YWHAB: variants seen among roughly 807,000 people sequenced by gnomAD.
The protein encoded by YWHAB is tyrosine 3-monooxygenase/tryptophan 5-monooxygenase activation protein beta.
In YWHAB, 2 loss-of-function variants were observed where a neutral mutation model predicts 28.5. The observed-to-expected ratio is 0.07, with a 90% CI of 0.03 to 0.22. The LOEUF is 0.22. Among genes scored for constraint, YWHAB ranks in the 10% least tolerant of loss-of-function variants. YWHAB has a pLI of 1.00. For synonymous variants in YWHAB, 103 were observed against 104.7 expected, an observed-to-expected ratio of 0.98 and a Z score of 0.10; for missense variants, 148 against 297.1, an observed-to-expected ratio of 0.50 and a Z score of 3.69.
At position 44,905,049 on chromosome 20, in the gene YWHAB, G is replaced by A. The variant is rs1190977283; in HGVS notation, c.506G>A (p.Arg169His). ...GAAATGCAGCCTACACACCCAATTCGTCTTGGTCTGGCACTAAATTTCTCA... is the reference window on the plus strand; with the variant it reads ...GAAATGCAGCCTACACACCCAATTCATCTTGGTCTGGCACTAAATTTCTCA... The part of the protein sequence containing the change: ...KKEMQPTHPI[R>H]LGLALNFSVF... The change falls in exon 4 of 6, where the codon CGT becomes CAT. Residue 169 changes from arginine to histidine, a missense_variant. Transcript: ENST00000353703. 13 of 1,613,474 alleles carry A rather than the reference G, an allele frequency of 8.1e-6. No individual in the cohort carries two copies. Among genetic ancestry groups the A allele is most frequent in the Middle Eastern group, 3.3e-4 (2 of 6,060 alleles).
intron 1 of YWHAB, among the ~76,000 whole-genome samples, chr20:44,894,734 C>A (rs2066585517): frequency 6.6e-6 from 1 of 152,204 alleles, no homozygotes; most frequent in Admixed American, 6.5e-5. Flanking sequence ...TTCCCTGCGC[C>A]TCATCTTCAC....
chr20:44,895,750 A>G (rs1226646222), intron 1 of YWHAB, among the ~76,000 whole-genome samples: 1 of 152,210 alleles, frequency 6.6e-6, no homozygotes, highest in Non-Finnish European at 1.5e-5. Flanking sequence ...TTATAGATTG[A>G]TCTGCCATGC....
Position 44,906,412 on chromosome 20 carries a change from G to A in YWHAB, c.715G>A (p.Gly239Arg). ...GACATCGGAAAACCAGGGAGACGAAGGAGACGCTGGGGAGGGAGAGAACTA... is the reference window on the plus strand; with the variant it reads ...GACATCGGAAAACCAGGGAGACGAAAGAGACGCTGGGGAGGGAGAGAACTA... ...LWTSENQGDE[G>R]DAGEGEN The change falls in exon 6 of 6, where the codon GGA (glycine) becomes AGA (arginine). Residue 239 changes from glycine (G) to arginine (R), a missense_variant. Physicochemically the swap from Gly to Arg is moderately radical, Grantham distance 125 (BLOSUM62 -2). Around this residue, in one of 2 missense-constraint regions of YWHAB, gnomAD observed 38 missense variants for 119.2 expected, o/e 0.32. Coordinates refer to ENST00000353703, the MANE Select transcript of YWHAB (RefSeq NM_139323.4). 1 of 1,611,434 alleles carries A rather than the reference G, an allele frequency of 6.2e-7. No homozygotes were observed. Among genetic ancestry groups the A allele is most frequent in the Non-Finnish European group, 8.5e-7 (1 of 1,179,322 alleles).
chr20:44,892,250 T>G (rs1209781904), intron 1 of YWHAB, among the ~76,000 whole-genome samples: 2 of 152,312 alleles, frequency 1.3e-5, no homozygotes, highest in Admixed American at 1.3e-4. Flanking sequence ...TTATTCTCAT[T>G]TCTTTATCTG....
chr20:44,899,200 A>T (rs533475775), intron 1 of YWHAB, among the ~76,000 whole-genome samples: 10 of 151,922 alleles, frequency 6.6e-5, no homozygotes, highest in Non-Finnish European at 1.3e-4. Flanking sequence ...GGCATTGGCT[A>T]GGTGCAGTGG....
chr20:44,903,003 A>G, intron 2 of YWHAB: 1 of 972,232 alleles, frequency 1.0e-6, no homozygotes. Flanking sequence ...AAGAATGTGA[A>G]GAAGAGCTTG....
intron 1 of YWHAB, among the ~76,000 whole-genome samples, chr20:44,891,459 G>A (rs1190283942): frequency 6.6e-6 from 1 of 152,222 alleles, no homozygotes; most frequent in Non-Finnish European, 1.5e-5. Flanking sequence ...CACATAGCCT[G>A]TGGACTTGGT....
chr20:44,889,729 T>C (rs570184186), intron 1 of YWHAB, among the ~76,000 whole-genome samples: 105 of 152,324 alleles, frequency 6.9e-4, no homozygotes, highest in African/African-American at 1.9e-3. Flanking sequence ...TTTTAACTCC[T>C]TGATTTTGTT....
chr20:44,905,074 A>C lies in YWHAB; in HGVS notation c.531A>C (p.Ser177=). 3 of 1,613,504 alleles carry C rather than the reference A, an allele frequency of 1.9e-6. No individual in the cohort carries two copies. In the South Asian group the frequency reaches 3.3e-5, roughly 18 times the overall value. ...GTCTTGGTCTGGCACTAAATTTCTC[A>C]GTCTTTTACTATGAGATTCTAAACT... ...PIRLGLALNF[S]VFYYEILNSP... is the part of the protein sequence containing the mutation. The change falls in exon 4 of 6, where the codon TCA becomes TCC. Residue 177 remains serine (S), a synonymous_variant. Coordinates refer to ENST00000353703, the MANE Select transcript of YWHAB (RefSeq NM_139323.4).
At chr20:44,896,329 A>AG (rs1364984128) in intron 1 of YWHAB, among the ~76,000 whole-genome samples, 1 of 152,212 alleles carries the variant, frequency 6.6e-6, no homozygotes, top group Non-Finnish European at 1.5e-5. Flanking sequence ...AAACAGCTTA[A>AG]GAAAGGCTTC....
intron 2 of YWHAB, chr20:44,902,873 TG>T (rs2066635632): frequency 5.6e-6 from 1 of 178,662 alleles, no homozygotes; most frequent in Non-Finnish European, 1.1e-5. Flanking sequence ...GGTTTGTTAA[TG>T]GTGCACTAAT....
intron 1 of YWHAB, among the ~76,000 whole-genome samples, chr20:44,898,813 G>A (rs1601093974): frequency 6.8e-6 from 1 of 147,746 alleles, no homozygotes. Flanking sequence ...GCAGAAAATG[G>A]TTAATTTAAA....
In YWHAB at chr20:44,907,946, T is replaced by C. The variant is rs1186875071; in HGVS notation, c.*1508T>C. 1 of 152,574 alleles carries C rather than the reference T, an allele frequency of 6.6e-6. No homozygotes were observed. Among genetic ancestry groups the C allele is most frequent in the Non-Finnish European group, 1.5e-5 (1 of 68,056 alleles). 9.5% of individuals were successfully genotyped at this position (152,574 alleles called of 1,614,324 possible). A position where few individuals can be genotyped will look rare whatever the true frequency, so the allele number is the denominator to read the frequency against. Reference sequence around the variant, plus strand: ...TCACCAGGTCTCCCAAGTGCACTCATCCAGGTCAGTGCTCAGATGTGTTTA... The same window carrying C: ...TCACCAGGTCTCCCAAGTGCACTCACCCAGGTCAGTGCTCAGATGTGTTTA... On this transcript the variant is annotated 3_prime_UTR_variant, in exon 6 of 6. Transcript: ENST00000353703.
chr20:44,905,155 C>T, intron 4 of YWHAB, 24 bp downstream of exon 4: 1 of 1,584,392 alleles, frequency 6.3e-7, no homozygotes, highest in African/African-American at 1.4e-5. Flanking sequence ...TTTGTGATAT[C>T]TAACCATAGC....
chr20:44,888,556 A>G (rs1349461894), intron 1 of YWHAB, among the ~76,000 whole-genome samples: 6 of 152,226 alleles, frequency 3.9e-5, no homozygotes, highest in Non-Finnish European at 8.8e-5. Context: ...GAGACAGCAC[A>G]TGTATATGTT....
chr20:44,886,986 A>G (rs993359055), intron 1 of YWHAB: 13 of 152,252 alleles, frequency 8.5e-5, no homozygotes, highest in African/African-American at 2.9e-4. Context: ...AAGGTGAAGC[A>G]CTTATAAGAA....
At chr20:44,903,023 G>C (rs1314496355) in intron 2 of YWHAB, 8 of 985,422 alleles carry the variant, frequency 8.1e-6, no homozygotes, top group Non-Finnish European at 9.6e-6. Flanking sequence ...GGTACTTACT[G>C]CCTCTTAACC....
At chr20:44,900,540 C>T (rs2066620380) in intron 1 of YWHAB, among the ~76,000 whole-genome samples, 1 of 152,160 alleles carries the variant, frequency 6.6e-6, no homozygotes, top group South Asian at 2.1e-4. Flanking sequence ...TTATCTACTG[C>T]TTGATGGGTG....
In YWHAB at chr20:44,904,978, G is replaced by A. The variant is rs760401900; in HGVS notation, c.435G>A (p.Ser145=). ...ATCTTTATGTTACAGCCACTGTGTC[G>A]AACTCCCAGCAGGCTTACCAGGAAG... ...ASGDNKQTTV[S]NSQQAYQEAF... The change falls in exon 4 of 6, where the codon TCG becomes TCA. Residue 145 remains serine (S), a synonymous_variant. Transcript: ENST00000353703. 5.6e-6 allele frequency: 9 copies of A among 1,598,560 alleles called. No homozygotes were observed. The highest frequency in any genetic ancestry group is 2.7e-5 in the African/African-American group (2 of 74,306).
Sources: gnomAD v4.1 joint callset for allele counts (sites outside exome capture counted in the v4.1 genomes callset) on GRCh38, gnomAD v4.1.1 for gene constraint, gnomAD v4.1.1 regional missense constraint, MANE v1.5 for transcripts, NCBI Gene and HGNC (gene_info 2026-07-23, HGNC 2026-07-21) for gene names.